The following OPCML variants were observed in gnomAD, a reference collection of about 807,000 sequenced individuals.
OPCML encodes opioid-binding protein/cell adhesion molecule.
OPCML carries 13 observed loss-of-function variants against 37.8 expected under a neutral mutation model. That is an observed-to-expected ratio of 0.34 (90% CI 0.22 to 0.55). OPCML has a LOEUF of 0.55. Ranked by LOEUF, OPCML falls within the 20% of genes least tolerant of loss-of-function variation. The pLI, the probability that OPCML is intolerant of heterozygous loss-of-function variation, is 0.91. For synonymous variants in OPCML, 176 were observed against 168.8 expected, an observed-to-expected ratio of 1.04 and a Z score of -0.33; for missense variants, 341 against 435.6, an observed-to-expected ratio of 0.78 and a Z score of 1.93.
rs1027140077 is a variant in OPCML at position 132,568,085 on chromosome 11, GA to G, written c.380-38900del. On this transcript the variant is annotated intron_variant, in intron 3 of 7. Transcript: ENST00000524381. ...GTGTGTGTGTTTGATTAGTCAAGGT[GA>G]AAAAAAAAACTTTCCTATTAAGCAC... 8.7e-4 allele frequency among the ~76,000 whole-genome samples: 128 copies of G among 147,964 alleles called. 2 individuals carry two copies. Among genetic ancestry groups the G allele is most frequent in the Middle Eastern group, 3.5e-3 (1 of 284 alleles).
At chr11:133,434,365 A>T (rs1308481987) in intron 1 of OPCML, among the ~76,000 whole-genome samples, 1 of 152,136 alleles carries the variant, frequency 6.6e-6, no homozygotes, top group Non-Finnish European at 1.5e-5. Flanking sequence ...TTCTGAAGTT[A>T]AGTTTACCTG....
chr11:133,142,990 T>C (rs943254563), intron 1 of OPCML, among the ~76,000 whole-genome samples: 2 of 152,174 alleles, frequency 1.3e-5, no homozygotes, highest in African/African-American at 4.8e-5. Flanking sequence ...TCCTTAGATG[T>C]GGTTGGATAC....
chr11:132,796,565 CTTTTTTTTTT>C (rs71067396), intron 2 of OPCML, among the ~76,000 whole-genome samples: 2 of 88,558 alleles, frequency 2.3e-5, no homozygotes, highest in South Asian at 4.6e-4. Context: ...TTTCTTCTTT[CTTTTTTTTTT>C]TTTTTTTTTT....
At chr11:132,837,323 C>T (rs1941069034) in intron 2 of OPCML, among the ~76,000 whole-genome samples, 1 of 150,902 alleles carries the variant, frequency 6.6e-6, no homozygotes, top group Non-Finnish European at 1.5e-5. Context: ...CAAAAACAAA[C>T]AAGCAAACAA....
chr11:132,504,257 A>G (rs1336598446), intron 4 of OPCML, among the ~76,000 whole-genome samples: 1 of 152,228 alleles, frequency 6.6e-6, no homozygotes, highest in Non-Finnish European at 1.5e-5. Flanking sequence ...AGAAGTAAGT[A>G]CACGCCTCCA....
intron 1 of OPCML, among the ~76,000 whole-genome samples, chr11:133,099,461 G>A (rs1435212146): frequency 4.8e-5 from 3 of 62,894 alleles, no homozygotes; most frequent in Non-Finnish European, 1.0e-4. Flanking sequence ...TTTTTTTTTT[G>A]TATTTTTAGT....
intron 1 of OPCML, among the ~76,000 whole-genome samples, chr11:133,388,642 G>C (rs1592256693): frequency 1.3e-5 from 2 of 152,224 alleles, no homozygotes; most frequent in Non-Finnish European, 2.9e-5. Flanking sequence ...TTCTTCTAGA[G>C]AGAGTATAAT....
chr11:132,994,902 A>G (rs1204697390), intron 1 of OPCML, among the ~76,000 whole-genome samples: 2 of 152,160 alleles, frequency 1.3e-5, no homozygotes, highest in Non-Finnish European at 2.9e-5. Flanking sequence ...TGTGCACAGC[A>G]CCCCTAGGAG....
At chr11:133,482,981 G>A (rs895994537) in intron 1 of OPCML, among the ~76,000 whole-genome samples, 3 of 151,912 alleles carry the variant, frequency 2.0e-5, no homozygotes, top group African/African-American at 7.3e-5. Flanking sequence ...GATAATAATA[G>A]ACTAGAAAAC....
chr11:132,656,660 G>A (rs1200587998), intron 3 of OPCML, among the ~76,000 whole-genome samples: 1 of 152,168 alleles, frequency 6.6e-6, no homozygotes, highest in Non-Finnish European at 1.5e-5. Context: ...TGCATGACCA[G>A]CAACTGTGCG....
At position 133,521,996 on chromosome 11, in the gene OPCML, C is replaced by G. The variant is rs568068403; in HGVS notation, c.61+10268G>C. 5.3e-5 allele frequency among the ~76,000 whole-genome samples: 8 copies of G among 152,312 alleles called. No individual in the cohort carries two copies. The South Asian group carries it at 1.7e-3, about 32-fold the overall frequency. The stretch of plus-strand genomic sequence containing the variant: ...CTTCCTGTTCTACATTTGTCTACAG[C>G]TCTTTTGGACCTATTGTTTTGATTG... On this transcript the variant is annotated intron_variant, in intron 1 of 7. Transcript: ENST00000524381.
At chr11:132,793,025 G>A (rs1014844230) in intron 2 of OPCML, among the ~76,000 whole-genome samples, 2 of 152,222 alleles carry the variant, frequency 1.3e-5, no homozygotes, top group Non-Finnish European at 2.9e-5. Context: ...TACGGGCAGC[G>A]GCGGGCTCTG....
chr11:133,125,910 A>G (rs1949504604), intron 1 of OPCML, among the ~76,000 whole-genome samples: 5 of 148,974 alleles, frequency 3.4e-5, no homozygotes. Flanking sequence ...GTATATATAG[A>G]CACACGTATA....
intron 1 of OPCML, among the ~76,000 whole-genome samples, chr11:133,518,793 G>C (rs1035071749): frequency 6.6e-6 from 1 of 151,762 alleles, no homozygotes; most frequent in Non-Finnish European, 1.5e-5. Context: ...GCAGGTCCTG[G>C]TGTGTTGGGG....
intron 4 of OPCML, among the ~76,000 whole-genome samples, chr11:132,447,898 C>A (rs914571033): frequency 1.3e-5 from 2 of 152,238 alleles, no homozygotes; most frequent in African/African-American, 4.8e-5. Flanking sequence ...GAGCTCCAGG[C>A]TCATCAGCTA....
At chr11:132,671,714 G>A (rs938381544) in intron 2 of OPCML, among the ~76,000 whole-genome samples, 2 of 151,942 alleles carry the variant, frequency 1.3e-5, no homozygotes, top group African/African-American at 4.8e-5. Flanking sequence ...AACTTGTAAG[G>A]GTTTAAGAAG....
At chr11:132,558,316 TCCTCCCCTCTCCCC>T in intron 3 of OPCML, among the ~76,000 whole-genome samples, 1 of 21,044 alleles carries the variant, frequency 4.8e-5, no homozygotes, top group Non-Finnish European at 7.7e-5. Context: ...CCTCTCCCCC[TCCTCCCCTCTCCCC>T]CCCTCCTCCT....
chr11:133,323,328 C>T (rs1565571716), intron 1 of OPCML, among the ~76,000 whole-genome samples: 1 of 152,214 alleles, frequency 6.6e-6, no homozygotes, highest in Non-Finnish European at 1.5e-5. Flanking sequence ...AATTCTAATG[C>T]TTATGTAAAA....
intron 2 of OPCML, among the ~76,000 whole-genome samples, chr11:132,923,755 ATTT>A (rs71038509): frequency 1.3e-4 from 12 of 92,096 alleles, no homozygotes; most frequent in South Asian, 4.8e-4. Context: ...AGTTACTTGA[ATTT>A]TTTTTTTTTT....
Sources: allele counts gnomAD v4.1 joint callset (sites outside exome capture counted in the v4.1 genomes callset), GRCh38; gene constraint gnomAD v4.1.1; transcripts MANE v1.5; gene names NCBI Gene and HGNC (gene_info 2026-07-23, HGNC 2026-07-21).